TNFSF9: variants seen among roughly 807,000 people sequenced by gnomAD.
The protein encoded by TNFSF9 is TNF superfamily member 9.
TNFSF9 carries 10 observed loss-of-function variants against 10.3 expected under a neutral mutation model. That is an observed-to-expected ratio of 0.97 (90% CI 0.60 to 1.65). TNFSF9 has a LOEUF of 1.65. Ranked by LOEUF, TNFSF9 falls within the 40% of genes most tolerant of loss-of-function variation. TNFSF9 has a pLI of 0.00. For missense variants in TNFSF9, 361 were observed against 348.9 expected (o/e 1.03, Z -0.28); for synonymous variants, 195 against 176.1 (o/e 1.11, Z -0.85).
chr19:6,531,514 C>T (rs1469780993), intron 1 of TNFSF9, among the ~76,000 whole-genome samples: 1 of 151,920 alleles, frequency 6.6e-6, no homozygotes, highest in African/African-American at 2.4e-5. Flanking sequence ...CTCATCTGTA[C>T]CCCAGGCCGG....
intron 1 of TNFSF9, 126 bp downstream of exon 1, chr19:6,531,429 C>T: frequency 7.7e-7 from 1 of 1,293,224 alleles, no homozygotes; most frequent in Non-Finnish European, 1.0e-6. Context: ...GGAGAGGAGA[C>T]CCACCGGGGC....
chr19:6,534,491 CT>C, intron 2 of TNFSF9, 108 bp from the exon 3 acceptor site: 1 of 1,162,968 alleles, frequency 8.6e-7, no homozygotes, highest in East Asian at 2.6e-5. Context: ...CCCCCGGCCC[CT>C]GACCCGTTCT....
At chr19:6,532,663 A>G in intron 1 of TNFSF9, 123 bp from the exon 2 acceptor site, 1 of 1,305,086 alleles carries the variant, frequency 7.7e-7, no homozygotes, top group South Asian at 1.2e-5. Context: ...TTGGGAGGGA[A>G]GGGAAGCGTA....
intron 2 of TNFSF9, among the ~76,000 whole-genome samples, chr19:6,534,097 T>C (rs1228262836): frequency 4.6e-5 from 5 of 108,722 alleles, no homozygotes; most frequent in African/African-American, 1.8e-4. Context: ...ATCTCCATCC[T>C]GTCCGAGATC....
chr19:6,531,861 G>T (rs1389003247), intron 1 of TNFSF9, among the ~76,000 whole-genome samples: 1 of 152,146 alleles, frequency 6.6e-6, no homozygotes, highest in Non-Finnish European at 1.5e-5. Flanking sequence ...CAGTGGGTGG[G>T]GGCACCCCTC....
intron 1 of TNFSF9, among the ~76,000 whole-genome samples, chr19:6,531,763 G>A (rs1282786339): frequency 6.6e-6 from 1 of 152,060 alleles, no homozygotes; most frequent in East Asian, 1.9e-4. Flanking sequence ...CCCCAGGCCA[G>A]GAGGAGGAGA....
chr19:6,534,543 CGCTCAGCTGTGCTGGGACAT>C (rs1188736849), intron 2 of TNFSF9, 37 bp from the exon 3 acceptor site: 11 of 1,481,050 alleles, frequency 7.4e-6, no homozygotes, highest in Middle Eastern at 4.5e-4. Flanking sequence ...TGCTCAGCCA[CGCTCAGCTGTGCTGGGACAT>C]GCTCAGCTAA....
At chr19:6,531,416 C>T in intron 1 of TNFSF9, 113 bp downstream of exon 1, 10 of 1,336,914 alleles carry the variant, frequency 7.5e-6, no homozygotes, top group Non-Finnish European at 9.6e-6. Flanking sequence ...CACTCCCGGC[C>T]GGGGAGAGGA....
chr19:6,531,279 C>A lies in TNFSF9; in HGVS notation c.243C>A (p.Pro81=). ...REGPELSPDD[P]AGLLDLRQGM... ...GTCCCGAGCTTTCGCCCGACGATCC[C>A]GCCGGCCTCTTGGACCTGCGGCAGG... Residue 81 remains proline, a synonymous_variant, in exon 1 of 3, where the codon CCC becomes CCA. Transcript: ENST00000245817. The A allele has an allele frequency of 6.6e-7, 1 of 1,507,320 alleles. No homozygotes were observed. The highest frequency in any genetic ancestry group is 8.8e-7 in the Non-Finnish European group (1 of 1,136,834). 93.4% of individuals were successfully genotyped at this position (1,507,320 alleles called of 1,614,324 possible). A position where few individuals can be genotyped will look rare whatever the true frequency, so the allele number is the denominator to read the frequency against.
intron 1 of TNFSF9, 126 bp downstream of exon 1, chr19:6,531,429 C>G: frequency 7.7e-7 from 1 of 1,293,224 alleles, no homozygotes; most frequent in Non-Finnish European, 1.0e-6. Context: ...GGAGAGGAGA[C>G]CCACCGGGGC....
chr19:6,531,166 G>C lies in TNFSF9; in HGVS notation c.130G>C (p.Ala44Pro). ...GCTGCTGCTGCTGCTGCTCGCTGCC[G>C]CCTGCGCCGTCTTCCTCGCCTGCCC... ...GLLLLLLLAA[A>P]CAVFLACPWA... The change falls in exon 1 of 3, where the codon GCC (alanine) becomes CCC (proline). Residue 44 changes from alanine (A) to proline (P), a missense_variant. By Grantham distance (27) the Ala-to-Pro change is conservative. Coordinates refer to ENST00000245817, the MANE Select transcript of TNFSF9 (RefSeq NM_003811.4). 4.4e-6 allele frequency: 7 copies of C among 1,595,038 alleles called. No homozygotes were observed. The highest frequency in any genetic ancestry group is 6.0e-6 in the Non-Finnish European group (7 of 1,171,204).
chr19:6,534,485 C>T (rs986362520), intron 2 of TNFSF9, 115 bp from the exon 3 acceptor site: 6 of 1,058,390 alleles, frequency 5.7e-6, no homozygotes, highest in East Asian at 2.6e-5. Flanking sequence ...CCCCGCCCCC[C>T]GGCCCCTGAC....
Position 6,531,034 on chromosome 19 carries a change from G to C in TNFSF9, c.-3G>C. 1 of 1,608,480 alleles carries C rather than the reference G, an allele frequency of 6.2e-7. No homozygotes were observed. Among genetic ancestry groups the C allele is most frequent in the Non-Finnish European group, 8.5e-7 (1 of 1,177,906 alleles). ...GCGCTGTGTCTTCCCGCAGTCTCTC[G>C]TCATGGAATACGCCTCTGACGCTTC... On this transcript the variant is annotated 5_prime_UTR_variant, in exon 1 of 3. Transcript: ENST00000245817.
At chr19:6,532,719 A>C (rs1250900829) in intron 1 of TNFSF9, 67 bp from the exon 2 acceptor site, 3 of 1,611,470 alleles carry the variant, frequency 1.9e-6, no homozygotes, top group Non-Finnish European at 2.5e-6. Flanking sequence ...AGCTGAAGTG[A>C]GTGGGGACAG....
At chr19:6,532,119 A>G (rs1391116552) in intron 1 of TNFSF9, among the ~76,000 whole-genome samples, 1 of 152,182 alleles carries the variant, frequency 6.6e-6, no homozygotes, top group African/African-American at 2.4e-5. Context: ...TAACTCCCAA[A>G]GAGCCTTATC....
intron 2 of TNFSF9, 35 bp from the exon 3 acceptor site, chr19:6,534,562 ATGC>A: frequency 6.6e-7 from 1 of 1,519,492 alleles, no homozygotes; most frequent in Non-Finnish European, 8.9e-7. Context: ...GTGCTGGGAC[ATGC>A]TCAGCTAAGC....
At chr19:6,532,611 TTG>T (rs1433233206) in intron 1 of TNFSF9, among the ~76,000 whole-genome samples, 173 bp from the exon 2 acceptor site, 7 of 147,968 alleles carry the variant, frequency 4.7e-5, no homozygotes, top group Non-Finnish European at 1.0e-4. Flanking sequence ...GTTCGTGTGT[TTG>T]TGTGTTTGTG....
At chr19:6,531,347 C>G (rs754181961) in intron 1 of TNFSF9, 44 bp downstream of exon 1, 2 of 1,412,624 alleles carry the variant, frequency 1.4e-6, no homozygotes, top group Non-Finnish European at 1.8e-6. Flanking sequence ...CGCGGGAGAC[C>G]CCTACCGCCC....
At chr19:6,531,352 C>T (rs765442316) in intron 1 of TNFSF9, 49 bp downstream of exon 1, 2 of 1,409,798 alleles carry the variant, frequency 1.4e-6, no homozygotes, top group Non-Finnish European at 1.8e-6. Flanking sequence ...GAGACCCCTA[C>T]CGCCCCTCTG....
Sources: gnomAD v4.1 joint callset for allele counts (sites outside exome capture counted in the v4.1 genomes callset) on GRCh38, gnomAD v4.1.1 for gene constraint, MANE v1.5 for transcripts, NCBI Gene and HGNC (gene_info 2026-07-23, HGNC 2026-07-21) for gene names.